Variants in CDCA2 observed in about 807,000 individuals in gnomAD.
CDCA2 encodes cell division cycle-associated protein 2.
In CDCA2, 44 loss-of-function variants were observed where a neutral mutation model predicts 67.0. That is an observed-to-expected ratio of 0.66 (90% CI 0.52 to 0.84). The LOEUF (loss-of-function observed/expected upper bound fraction) is 0.84, where lower values mean the gene tolerates loss of function less well. Ranked by LOEUF, CDCA2 falls within the 40% of genes least tolerant of loss-of-function variation. The pLI, the probability that CDCA2 is intolerant of heterozygous loss-of-function variation, is 0.00. For synonymous variants in CDCA2, 447 were observed against 418.7 expected, an observed-to-expected ratio of 1.07 and a Z score of -0.82; for missense variants, 1,253 against 1,203.2, an observed-to-expected ratio of 1.04 and a Z score of -0.61.
At chr8:25,477,079 C>G (rs1249562758) in intron 7 of CDCA2, among the ~76,000 whole-genome samples, 1 of 152,226 alleles carries the variant, frequency 6.6e-6, no homozygotes, top group South Asian at 2.1e-4. Flanking sequence ...AGGCCACACT[C>G]TGTCTCCTTG....
At chr8:25,468,532 G>GGGGT (rs1554520606) in intron 6 of CDCA2, 119 bp downstream of exon 6, 29 of 424,298 alleles carry the variant, frequency 6.8e-5, no homozygotes, top group East Asian at 1.8e-4. Flanking sequence ...TGGTTCCTGG[G>GGGGT]GTGTGTGTGT....
intron 3 of CDCA2, 65 bp downstream of exon 3, chr8:25,460,619 G>C (rs1195558714): frequency 2.6e-6 from 4 of 1,511,258 alleles, no homozygotes; most frequent in Non-Finnish European, 3.6e-6. Flanking sequence ...ATATAACTCA[G>C]CTTTATTTGT....
At chr8:25,472,780 A>G (rs1803209082) in intron 7 of CDCA2, among the ~76,000 whole-genome samples, 1 of 152,196 alleles carries the variant, frequency 6.6e-6, no homozygotes, top group Non-Finnish European at 1.5e-5. Flanking sequence ...ATATTTTGAT[A>G]TATTTATACA....
chr8:25,502,279 C>T (rs1011927239), intron 13 of CDCA2, among the ~76,000 whole-genome samples: 21 of 152,134 alleles, frequency 1.4e-4, no homozygotes, highest in African/African-American at 3.6e-4. Context: ...TCATTCCTTT[C>T]GCCCATAACA....
At chr8:25,462,680 CTTTG>C (rs1802747313) in intron 4 of CDCA2, among the ~76,000 whole-genome samples, 1 of 114,180 alleles carries the variant, frequency 8.8e-6, no homozygotes, top group Non-Finnish European at 2.0e-5. Flanking sequence ...GGTGATTTTT[CTTTG>C]TTTGCTTTGT....
intron 7 of CDCA2, among the ~76,000 whole-genome samples, chr8:25,471,703 A>G (rs1242616613): frequency 3.9e-5 from 6 of 152,188 alleles, no homozygotes; most frequent in Admixed American, 3.9e-4. Flanking sequence ...GACTTTGCGT[A>G]GGAGTGACAG....
chr8:25,495,226 A>G (rs1049037681), intron 13 of CDCA2, among the ~76,000 whole-genome samples: 1 of 152,214 alleles, frequency 6.6e-6, no homozygotes, highest in Admixed American at 6.5e-5. Flanking sequence ...TTAAGTGTGT[A>G]CTGTTTTTCA....
chr8:25,483,223 A>G (rs1274598591), intron 8 of CDCA2, among the ~76,000 whole-genome samples, 176 bp from the exon 9 acceptor site: 2 of 152,220 alleles, frequency 1.3e-5, no homozygotes, highest in African/African-American at 4.8e-5. Context: ...GGACATAGTT[A>G]TGATTTGTGC....
intron 13 of CDCA2, among the ~76,000 whole-genome samples, chr8:25,496,091 A>G (rs1374322494): frequency 2.0e-5 from 3 of 152,144 alleles, no homozygotes; most frequent in Non-Finnish European, 2.9e-5. Context: ...CAGATTTACA[A>G]CAACAAATTT....
upstream of CDCA2, chr8:25,459,105 G>A (rs1802557455): frequency 6.6e-6 from 1 of 152,304 alleles, no homozygotes; most frequent in Admixed American, 6.5e-5. Flanking sequence ...CCGAGGGAGA[G>A]GCCTGGGAGC....
intron 13 of CDCA2, among the ~76,000 whole-genome samples, chr8:25,495,082 C>A (rs1650363890): frequency 6.6e-6 from 1 of 152,126 alleles, no homozygotes; most frequent in Non-Finnish European, 1.5e-5. Flanking sequence ...TAATACATTA[C>A]CCTTTGTCTA....
intron 6 of CDCA2, 119 bp downstream of exon 6, chr8:25,468,532 G>GGGGTGT (rs1554520606): frequency 6.4e-5 from 27 of 424,188 alleles, no homozygotes; most frequent in African/African-American, 1.7e-4. Context: ...TGGTTCCTGG[G>GGGGTGT]GTGTGTGTGT....
chr8:25,492,384 T>A (rs1804046694), intron 13 of CDCA2, among the ~76,000 whole-genome samples: 1 of 152,162 alleles, frequency 6.6e-6, no homozygotes, highest in African/African-American at 2.4e-5. Flanking sequence ...GTTGTAGCTG[T>A]TCAGCCAGCC....
At chr8:25,485,718 G>A in intron 10 of CDCA2, 41 bp from the exon 11 acceptor site, 2 of 1,190,310 alleles carry the variant, frequency 1.7e-6, no homozygotes, top group South Asian at 2.7e-5. Context: ...TGTATTCACT[G>A]CATTTAAAGA....
intron 4 of CDCA2, among the ~76,000 whole-genome samples, chr8:25,465,019 C>T (rs1440988106): frequency 6.6e-6 from 1 of 152,114 alleles, no homozygotes; most frequent in Non-Finnish European, 1.5e-5. Context: ...TGTTACGCAG[C>T]CTGAAGTACA....
intron 7 of CDCA2, among the ~76,000 whole-genome samples, chr8:25,470,423 C>CAT (rs1347443896): frequency 6.6e-6 from 1 of 152,088 alleles, no homozygotes; most frequent in Non-Finnish European, 1.5e-5. Context: ...CTCTTATGGG[C>CAT]ATATAATTGG....
At chr8:25,487,121 C>G (rs1014433331) in intron 11 of CDCA2, 125 bp from the exon 12 acceptor site, 1 of 614,672 alleles carries the variant, frequency 1.6e-6, no homozygotes. Flanking sequence ...TGCTGCTTGG[C>G]TCCTCTTTTT....
At chr8:25,494,085 A>G (rs1586517348) in intron 13 of CDCA2, among the ~76,000 whole-genome samples, 1 of 152,182 alleles carries the variant, frequency 6.6e-6, no homozygotes, top group South Asian at 2.1e-4. Context: ...GAGAACTTCC[A>G]TACACTTCTA....
At chr8:25,476,376 T>A (rs1247161127) in intron 7 of CDCA2, among the ~76,000 whole-genome samples, 1 of 152,182 alleles carries the variant, frequency 6.6e-6, no homozygotes, top group Non-Finnish European at 1.5e-5. Context: ...GAGAGAAAGT[T>A]CCCTGGTAGC....
Sources: allele counts gnomAD v4.1 joint callset (sites outside exome capture counted in the v4.1 genomes callset), GRCh38; gene constraint gnomAD v4.1.1; transcripts MANE v1.5; gene names NCBI Gene and HGNC (gene_info 2026-07-23, HGNC 2026-07-21).